GTF3C1: variants seen among roughly 807,000 people sequenced by gnomAD.
GTF3C1 encodes general transcription factor IIIC subunit 1.
In GTF3C1, 57 loss-of-function variants were observed where a neutral mutation model predicts 226.7. That is an observed-to-expected ratio of 0.25 (90% CI 0.20 to 0.31). The LOEUF (loss-of-function observed/expected upper bound fraction) is 0.31, where lower values mean the gene tolerates loss of function less well. Ranked by LOEUF, GTF3C1 falls within the 10% of genes least tolerant of loss-of-function variation. The pLI is 1.00. For synonymous variants in GTF3C1, 1,090 were observed against 1,084.8 expected, an observed-to-expected ratio of 1.00 and a Z score of -0.09; for missense variants, 2,217 against 2,776.1, an observed-to-expected ratio of 0.80 and a Z score of 4.53.
In GTF3C1 at chr16:27,462,468, G is replaced by A; in HGVS notation, c.5943C>T (p.Cys1981=). 1 of 1,613,688 alleles carries A rather than the reference G, an allele frequency of 6.2e-7. No homozygotes were observed. Among genetic ancestry groups the A allele is most frequent in the Non-Finnish European group, 8.5e-7 (1 of 1,179,708 alleles). The change falls in exon 36 of 37, where the codon TGC becomes TGT. Residue 1981 remains cysteine, a synonymous_variant. Coordinates refer to ENST00000356183, the MANE Select transcript of GTF3C1 (RefSeq NM_001520.4). The surrounding 1 kb of genome is among the most constrained non-coding windows in gnomAD (Gnocchi z 4.5). ...AARERDCESV[C]FIGRPWRVVD... The stretch of plus-strand genomic sequence containing the variant: ...CGACACGCCACGGCCGGCCGATGAA[G>A]CAGACACTCTCACAGTCCCTGCAGG...
At position 27,470,211 on chromosome 16, in the gene GTF3C1, C is replaced by T. The variant is rs149789352; in HGVS notation, c.4711G>A (p.Val1571Ile). The change falls in exon 31 of 37, where the codon GTC becomes ATC. Residue 1571 changes from valine (V) to isoleucine (I), a missense_variant. Physicochemically the swap from Val to Ile is conservative, Grantham distance 29. Coordinates refer to ENST00000356183, the MANE Select transcript of GTF3C1 (RefSeq NM_001520.4). The surrounding 1 kb of genome is among the most constrained non-coding windows in gnomAD (Gnocchi z 4.9). ...LDGPGGNCVAVLTLFSLGLIS... is the reference protein window; with the variant it reads ...LDGPGGNCVAILTLFSLGLIS... ...AGGCCCAGAGAGAAGAGGGTCAGGA[C>T]GGCCACACAATTTCCTCCAGGGCCG... is the stretch of plus-strand genomic sequence containing the variant. 1,602 of 1,613,162 alleles carry T rather than the reference C, an allele frequency of 9.9e-4. No homozygotes were observed. The highest frequency in any genetic ancestry group is 1.3e-3 in the Non-Finnish European group (1,528 of 1,179,106).
chr16:27,500,056 A>C (rs1596636636), intron 12 of GTF3C1, among the ~76,000 whole-genome samples: 2 of 151,612 alleles, frequency 1.3e-5, no homozygotes, highest in African/African-American at 4.9e-5. Context: ...TCCCTCGCCC[A>C]CTCCCTCCAG....
At chr16:27,485,964 G>A (rs1236016477) in intron 24 of GTF3C1, 33 bp downstream of exon 24, 8 of 1,504,328 alleles carry the variant, frequency 5.3e-6, no homozygotes, top group Non-Finnish European at 7.3e-6. Context: ...CGAGTGAGGG[G>A]CAGGCCCACC....
At chr16:27,527,657 A>C (rs1341896382) in intron 6 of GTF3C1, among the ~76,000 whole-genome samples, 1 of 152,182 alleles carries the variant, frequency 6.6e-6, no homozygotes, top group East Asian at 1.9e-4. Context: ...TTACAGGGCT[A>C]GATAACGAGA....
intron 23 of GTF3C1, among the ~76,000 whole-genome samples, chr16:27,486,822 A>G (rs2088147528): frequency 6.6e-6 from 1 of 152,264 alleles, no homozygotes; most frequent in South Asian, 2.1e-4. Context: ...CTTTTTCAAC[A>G]TATTATCTTA....
intron 7 of GTF3C1, among the ~76,000 whole-genome samples, chr16:27,509,870 T>C (rs1320309260): frequency 6.6e-6 from 1 of 152,120 alleles, no homozygotes; most frequent in East Asian, 1.9e-4. Flanking sequence ...TGCTATGTTG[T>C]ACACGCATAA....
At chr16:27,533,153 GCAAA>G (rs1348242916) in intron 5 of GTF3C1, 134 bp downstream of exon 5, 1 of 534,284 alleles carries the variant, frequency 1.9e-6, no homozygotes, top group Non-Finnish European at 3.4e-6. Flanking sequence ...GAAAAAAACA[GCAAA>G]CAAAGGAAAA....
rs922430451 is a variant in GTF3C1 at position 27,512,961 on chromosome 16, G to C, written c.974-1060C>G. The stretch of plus-strand genomic sequence containing the variant: ...CTGTGATACGCGACAACCTGGAGCG[G>C]GACAACCACCCTGTAAAGATGTTCA... On this transcript the variant is annotated intron_variant, in intron 6 of 36. Transcript: ENST00000356183. Among the ~76,000 whole-genome samples the C allele has an allele frequency of 2.0e-5, 3 of 152,146 alleles. No individual in the cohort carries two copies. In the South Asian group the frequency reaches 6.2e-4, roughly 32 times the overall value.
intron 3 of GTF3C1, 93 bp from the exon 4 acceptor site, chr16:27,538,020 A>C (rs1596661386): frequency 7.0e-7 from 1 of 1,423,650 alleles, no homozygotes; most frequent in South Asian, 1.3e-5. Flanking sequence ...AGAGACACAA[A>C]CCTCCTGTCC....
intron 23 of GTF3C1, among the ~76,000 whole-genome samples, chr16:27,487,248 C>T (rs1409537450): frequency 1.3e-5 from 2 of 152,216 alleles, no homozygotes; most frequent in African/African-American, 2.4e-5. Flanking sequence ...TGATGGAATG[C>T]TATTTGTTAT....
Position 27,464,716 on chromosome 16 carries a change from C to G in GTF3C1, c.5476G>C (p.Asp1826His). 6.3e-7 allele frequency: 1 copy of G among 1,595,990 alleles called. No homozygotes were observed. Among genetic ancestry groups the G allele is most frequent in the Non-Finnish European group, 8.5e-7 (1 of 1,177,768 alleles). ...SVRLKDREDA[D>H]IQREDPQARP... is the part of the protein sequence containing the mutation. The stretch of plus-strand genomic sequence containing the variant: ...GCCTGGGGGTCTTCTCTCTGGATGT[C>G]GGCGTCTTCTCTGTCTTTCAGCCGC... Residue 1826 changes from aspartate to histidine, a missense_variant, in exon 34 of 37, where the codon GAC becomes CAC. Asp to His is a moderately conservative substitution (Grantham distance 81). Transcript: ENST00000356183.
rs778419152 is a variant in GTF3C1, at chr16:27,470,265, T to C, written c.4657A>G (p.Thr1553Ala). 1 of 1,614,124 alleles carries C rather than the reference T, an allele frequency of 6.2e-7. No individual in the cohort carries two copies. Among genetic ancestry groups the C allele is most frequent in the Non-Finnish European group, 8.5e-7 (1 of 1,179,952 alleles). The change falls in exon 31 of 37, where the codon ACA (threonine) becomes GCA (alanine). Residue 1553 changes from threonine (T) to alanine (A), a missense_variant. Around this residue, in one of 12 missense-constraint regions of GTF3C1, gnomAD observed 546 missense variants for 663.0 expected, o/e 0.82. Transcript: ENST00000356183. This position sits in a 1 kb window ranked among gnomAD's most constrained non-coding sequence, Gnocchi z 4.9. Reference protein sequence around the residue: ...SFKDQDNNEPTNDMVAFSLDG... With the variant: ...SFKDQDNNEPANDMVAFSLDG... The stretch of plus-strand genomic sequence containing the variant: ...AGTGAAAAGGCCACCATGTCGTTTG[T>C]GGGCTCGTTATTATCCTGGTCTTTG...
At chr16:27,499,965 G>C (rs1437479766) in intron 12 of GTF3C1, among the ~76,000 whole-genome samples, 2 of 152,188 alleles carry the variant, frequency 1.3e-5, no homozygotes, top group African/African-American at 4.8e-5. Context: ...ACCAGCTACT[G>C]TAGTGGGACC....
Position 27,463,918 on chromosome 16 carries a change from A to G in GTF3C1, c.5873-326T>C, listed in dbSNP as rs1452523839. 5 of 420,596 alleles carry G rather than the reference A, an allele frequency of 1.2e-5. No individual in the cohort carries two copies. The highest frequency in any genetic ancestry group is 4.2e-6 in the Non-Finnish European group (1 of 238,566). The allele number at this position is 420,596 out of a possible 1,614,324, so 26.1% of individuals were successfully genotyped here. ...TAAAACCCGAGGCAAAAACACCCCA[A>G]AGAAAACAAAAACGCCCAGAGAAGC... On this transcript the variant is annotated intron_variant, in intron 34 of 36. Coordinates refer to ENST00000356183, the MANE Select transcript of GTF3C1 (RefSeq NM_001520.4). This position sits in a 1 kb window ranked among gnomAD's most constrained non-coding sequence, Gnocchi z 4.9.
At chr16:27,474,797 A>T (rs1339754271) in intron 29 of GTF3C1, among the ~76,000 whole-genome samples, 2 of 152,196 alleles carry the variant, frequency 1.3e-5, no homozygotes. Context: ...ACTTGACCGT[A>T]TGTGTAAAAC....
At position 27,488,302 on chromosome 16, in the gene GTF3C1, C is replaced by T. The variant is rs755365670; in HGVS notation, c.3625G>A (p.Val1209Met). ...REPSLDRNRR[V>M]RGGKSQKRKR... The stretch of plus-strand genomic sequence containing the variant: ...CGCTTCTGGCTTTTCCCACCCCTCA[C>T]TCTCCGGTTTCGGTCCAGCGAGGGC... The change falls in exon 23 of 37, where the codon GTG becomes ATG. Residue 1209 changes from valine to methionine, a missense_variant. By Grantham distance (21) the Val-to-Met change is conservative. Around this residue, in one of 12 missense-constraint regions of GTF3C1, gnomAD observed 546 missense variants for 663.0 expected, o/e 0.82. Coordinates refer to ENST00000356183, the MANE Select transcript of GTF3C1 (RefSeq NM_001520.4). The T allele has an allele frequency of 5.0e-6, 8 of 1,614,136 alleles. No homozygotes were observed. Among genetic ancestry groups the T allele is most frequent in the African/African-American group, 4.0e-5 (3 of 74,948 alleles).
chr16:27,465,161 A>G, intron 33 of GTF3C1, 99 bp downstream of exon 33: 1 of 1,089,830 alleles, frequency 9.2e-7, no homozygotes, highest in Non-Finnish European at 1.4e-6. Flanking sequence ...AGAACGCAGC[A>G]TGCTATGCCC....
At position 27,484,309 on chromosome 16, in the gene GTF3C1, C is replaced by A. The variant is rs2088101602; in HGVS notation, c.3903G>T (p.Leu1301Phe). 1 of 1,607,470 alleles carries A rather than the reference C, an allele frequency of 6.2e-7. No individual in the cohort carries two copies. Among genetic ancestry groups the A allele is most frequent in the Non-Finnish European group, 8.5e-7 (1 of 1,174,018 alleles). The change falls in exon 25 of 37, where the codon TTG becomes TTT. Residue 1301 changes from leucine (L) to phenylalanine (F), a missense_variant. Coordinates refer to ENST00000356183, the MANE Select transcript of GTF3C1 (RefSeq NM_001520.4). ...FVTWQVVRDI[L>F]HATFEESLDK... Reference sequence around the variant, plus strand: ...CCAAAGACTCTTCAAACGTGGCATGCAAAATGTCCCGTACCACCTGCCAGG... The same window carrying A: ...CCAAAGACTCTTCAAACGTGGCATGAAAAATGTCCCGTACCACCTGCCAGG...
chr16:27,502,050 G>A (rs541126919), intron 11 of GTF3C1, among the ~76,000 whole-genome samples: 53 of 151,300 alleles, frequency 3.5e-4, no homozygotes, highest in Non-Finnish European at 6.3e-4. Context: ...AGCCGAGATT[G>A]CATCATGCAC....
Sources: allele counts gnomAD v4.1 joint callset (sites outside exome capture counted in the v4.1 genomes callset), GRCh38; gene constraint gnomAD v4.1.1; regional missense constraint gnomAD v4.1.1; non-coding constraint Gnocchi (gnomAD v3.1); transcripts MANE v1.5; gene names NCBI Gene and HGNC (gene_info 2026-07-23, HGNC 2026-07-21).